The following RGS7 variants were observed in gnomAD, a reference collection of about 807,000 sequenced individuals.
RGS7 encodes regulator of G protein signaling 7.
A neutral mutation model predicts 81.1 loss-of-function variants in RGS7; 27 were observed. The ratio of observed to expected loss-of-function variants is 0.33; its 90% CI spans 0.25 to 0.46. RGS7 has a LOEUF of 0.46. RGS7 is among the 20% of genes least tolerant of loss of function. The pLI is 1.00. For missense variants in RGS7, 396 were observed against 607.4 expected, an observed-to-expected ratio of 0.65 and a Z score of 3.66; for synonymous variants, 208 against 207.7, an observed-to-expected ratio of 1.00 and a Z score of -0.01.
At chr1:240,904,758 G>T (rs913917101) in intron 6 of RGS7, among the ~76,000 whole-genome samples, 3 of 152,184 alleles carry the variant, frequency 2.0e-5, no homozygotes, top group Admixed American at 1.3e-4. Flanking sequence ...GATGATACTG[G>T]ACATTATACT....
chr1:241,273,459 A>G (rs998804337), intron 2 of RGS7, among the ~76,000 whole-genome samples: 2 of 150,826 alleles, frequency 1.3e-5, no homozygotes, highest in African/African-American at 4.9e-5. Flanking sequence ...TTTGAGGGAG[A>G]TGGAGTTCTC....
At chr1:240,858,036 A>G (rs1484873695) in intron 9 of RGS7, among the ~76,000 whole-genome samples, 1 of 152,194 alleles carries the variant, frequency 6.6e-6, no homozygotes, top group Non-Finnish European at 1.5e-5. Flanking sequence ...AACTGAGTCA[A>G]TTAAACCTGT....
chr1:240,975,722 C>T (rs138760543), intron 4 of RGS7, among the ~76,000 whole-genome samples: 1 of 152,334 alleles, frequency 6.6e-6, no homozygotes, highest in African/African-American at 2.4e-5. Flanking sequence ...ATTAATATGA[C>T]ATGATATTAG....
At chr1:241,113,008 C>A (rs1361120946) in intron 2 of RGS7, among the ~76,000 whole-genome samples, 1 of 152,184 alleles carries the variant, frequency 6.6e-6, no homozygotes, top group Non-Finnish European at 1.5e-5. Flanking sequence ...TTCAACTACT[C>A]CTTCATTCCA....
intron 2 of RGS7, among the ~76,000 whole-genome samples, chr1:241,327,207 T>C (rs1254602188): frequency 6.6e-6 from 1 of 151,494 alleles, no homozygotes; most frequent in African/African-American, 2.4e-5. Context: ...GGTAGGTAAT[T>C]AGAAATTAGA....
intron 2 of RGS7, among the ~76,000 whole-genome samples, chr1:241,162,222 G>GCCCCCGCCCCCGCCC (rs68166816): frequency 7.0e-6 from 1 of 142,028 alleles, no homozygotes; most frequent in Admixed American, 7.0e-5. Context: ...CTGGTGATCA[G>GCCCCCGCCCCCGCCC]CTTCCAAATA....
chr1:241,194,017 T>G (rs1305313613), intron 2 of RGS7, among the ~76,000 whole-genome samples: 1 of 152,200 alleles, frequency 6.6e-6, no homozygotes, highest in African/African-American at 2.4e-5. Flanking sequence ...CCATTTAAAT[T>G]GTTGATTTTC....
chr1:241,000,928 G>T (rs2459951), intron 3 of RGS7, among the ~76,000 whole-genome samples: 79,431 of 151,012 alleles, frequency 0.53, 22,604 homozygotes, highest in East Asian at 0.64. Flanking sequence ...AAGTGTTGGG[G>T]TTACAGGTGT....
At chr1:240,885,817 G>A (rs1164137616) in intron 6 of RGS7, among the ~76,000 whole-genome samples, 3 of 152,050 alleles carry the variant, frequency 2.0e-5, no homozygotes, top group East Asian at 3.9e-4. Context: ...TAATACCTGG[G>A]TAATGAAATA....
chr1:241,106,245 A>G (rs1178896183), intron 2 of RGS7, among the ~76,000 whole-genome samples: 1 of 152,148 alleles, frequency 6.6e-6, no homozygotes, highest in Non-Finnish European at 1.5e-5. Context: ...AATTGATATG[A>G]TTTTTCCCCA....
intron 3 of RGS7, among the ~76,000 whole-genome samples, chr1:241,037,699 C>CAAT: frequency 7.7e-6 from 1 of 129,990 alleles, no homozygotes; most frequent in African/African-American, 2.9e-5. Flanking sequence ...TCAGCCTGGG[C>CAAT]AATAGAGTGA....
At chr1:240,776,333 T>A in intron 18 of RGS7, 120 bp from the exon 19 acceptor site, 1 of 753,040 alleles carries the variant, frequency 1.3e-6, no homozygotes, top group Admixed American at 1.9e-5. Context: ...CACTGAACCC[T>A]TTAAGTCCAT....
intron 2 of RGS7, among the ~76,000 whole-genome samples, chr1:241,127,932 G>A (rs1389230077): frequency 1.3e-5 from 2 of 152,010 alleles, no homozygotes; most frequent in Non-Finnish European, 2.9e-5. Flanking sequence ...TGAAAAAAAA[G>A]TACAGTTGCA....
intron 2 of RGS7, among the ~76,000 whole-genome samples, chr1:241,165,300 G>T (rs1464694816): frequency 2.0e-5 from 3 of 152,120 alleles, no homozygotes; most frequent in African/African-American, 4.8e-5. Context: ...TATGCTAGGG[G>T]TCGAGCACAC....
chr1:241,318,768 G>T (rs1054524138), intron 2 of RGS7, among the ~76,000 whole-genome samples: 1 of 152,102 alleles, frequency 6.6e-6, no homozygotes, highest in Non-Finnish European at 1.5e-5. Context: ...AATCCACCAT[G>T]CCCAGACTAT....
Position 241,014,327 on chromosome 1 carries a change from A to G in RGS7, c.176-31198T>C, listed in dbSNP as rs368125741. 6.6e-5 allele frequency among the ~76,000 whole-genome samples: 10 copies of G among 152,248 alleles called. 1 individual carries two copies. In the East Asian group the frequency reaches 1.3e-3, roughly 20 times the overall value. On this transcript the variant is annotated intron_variant, in intron 3 of 18. Coordinates refer to ENST00000440928, the MANE Select transcript of RGS7 (RefSeq NM_001364886.1). ...TGTCTACAACCAGCCTTCAATACAT[A>G]AAACATGAGACTGTCCAACAACCAG... is the stretch of plus-strand genomic sequence containing the variant.
chr1:241,285,771 AG>A, intron 2 of RGS7, among the ~76,000 whole-genome samples: 1 of 152,326 alleles, frequency 6.6e-6, no homozygotes, highest in East Asian at 1.9e-4. Context: ...CTCTCCCTGC[AG>A]GGCTGGACTC....
chr1:240,817,576 G>A (rs1691032652), intron 10 of RGS7, among the ~76,000 whole-genome samples: 1 of 152,050 alleles, frequency 6.6e-6, no homozygotes, highest in Non-Finnish European at 1.5e-5. Context: ...ATGTGGTTTT[G>A]CCCTTGTGTC....
chr1:241,235,917 A>AAAGAGAGAGAGAGAGAGAGAGAGAGAGC (rs2075944354), intron 2 of RGS7, among the ~76,000 whole-genome samples: 2 of 144,494 alleles, frequency 1.4e-5, no homozygotes, highest in Admixed American at 1.4e-4. Context: ...TTTGAGAGAG[A>AAAGAGAGAGAGAGAGAGAGAGAGAGAGC]GAGAGAGAGA....
Sources: gnomAD v4.1 joint callset for allele counts (sites outside exome capture counted in the v4.1 genomes callset) on GRCh38, gnomAD v4.1.1 for gene constraint, MANE v1.5 for transcripts, NCBI Gene and HGNC (gene_info 2026-07-23, HGNC 2026-07-21) for gene names.